MRPL48: variants seen among roughly 807,000 people sequenced by gnomAD.
MRPL48 encodes the protein large ribosomal subunit protein mL48.
Under a neutral mutation model 32.9 loss-of-function variants are expected in MRPL48, and 16 were observed. The ratio of observed to expected loss-of-function variants is 0.49; its 90% CI spans 0.33 to 0.74. The LOEUF (loss-of-function observed/expected upper bound fraction) is 0.74. MRPL48 is among the 30% of genes least tolerant of loss of function. The probability of loss-of-function intolerance (pLI) is 0.02; values close to 1 mark genes in which losing one functional copy is unlikely to be tolerated. For missense variants in MRPL48, 206 were observed against 245.3 expected (o/e 0.84, Z 1.07); for synonymous variants, 94 against 89.2 (o/e 1.05, Z -0.31).
chr11:73,839,456 CAAAT>C (rs1948154341), intron 4 of MRPL48, among the ~76,000 whole-genome samples: 1 of 151,940 alleles, frequency 6.6e-6, no homozygotes, highest in Non-Finnish European at 1.5e-5. Flanking sequence ...CATGGATAGA[CAAAT>C]AGCCCAATGG....
chr11:73,804,586 TAGC>T (rs1484045631), intron 1 of MRPL48, among the ~76,000 whole-genome samples: 2 of 152,222 alleles, frequency 1.3e-5, no homozygotes, highest in Non-Finnish European at 2.9e-5. Flanking sequence ...TCAGTCCTCT[TAGC>T]AGCTTATTAG....
At position 73,791,337 on chromosome 11, in the gene MRPL48, A is replaced by C. The variant is rs1455857882; in HGVS notation, c.21+3345A>C. ...GTAACCCATACAGCCCATTATACTG[A>C]TCTAACATAGGATAATAAATAATTT... On this transcript the variant is annotated intron_variant, in intron 1 of 7. Coordinates refer to ENST00000310614, the MANE Select transcript of MRPL48 (RefSeq NM_016055.6). Among the ~76,000 whole-genome samples, 3 of 152,086 alleles carry C rather than the reference A, an allele frequency of 2.0e-5. 1 individual carries two copies. The highest frequency in any genetic ancestry group is 7.2e-5 in the African/African-American group (3 of 41,398).
At chr11:73,826,171 C>T (rs1025549106) in intron 4 of MRPL48, among the ~76,000 whole-genome samples, 1 of 151,836 alleles carries the variant, frequency 6.6e-6, no homozygotes, top group Non-Finnish European at 1.5e-5. Context: ...TTCTTGCCAC[C>T]ATGCCCATCT....
In MRPL48 at chr11:73,844,989, C is replaced by A. The variant is rs776345363; in HGVS notation, c.371+13C>A. The A allele has an allele frequency of 1.9e-6, 3 of 1,595,742 alleles. No individual in the cohort carries two copies. Among genetic ancestry groups the A allele is most frequent in the Non-Finnish European group, 1.7e-6 (2 of 1,168,218 alleles). ...AAGTCGAGGAAAGGTATGAAGGATGCTTTTGTATGGGATGTTCTTGGTGTG... is the reference window on the plus strand; with the variant it reads ...AAGTCGAGGAAAGGTATGAAGGATGATTTTGTATGGGATGTTCTTGGTGTG... On this transcript the variant is annotated intron_variant, in intron 5 of 7. Coordinates refer to ENST00000310614, the MANE Select transcript of MRPL48 (RefSeq NM_016055.6).
At chr11:73,857,719 T>C (rs1486405501) in intron 5 of MRPL48, among the ~76,000 whole-genome samples, 1 of 149,628 alleles carries the variant, frequency 6.7e-6, no homozygotes, top group East Asian at 2.0e-4. Flanking sequence ...CTCAGCCTCC[T>C]GCGTAGCTGG....
intron 5 of MRPL48, among the ~76,000 whole-genome samples, chr11:73,847,730 C>T (rs914291380): frequency 2.6e-5 from 4 of 152,114 alleles, no homozygotes; most frequent in Non-Finnish European, 5.9e-5. Context: ...AGGTGTGAGC[C>T]ACCGGGCCTG....
At chr11:73,809,266 G>C (rs1411210235) in intron 3 of MRPL48, among the ~76,000 whole-genome samples, 2 of 152,024 alleles carry the variant, frequency 1.3e-5, no homozygotes, top group Admixed American at 1.3e-4. Flanking sequence ...CCAGCACTTT[G>C]GGAGGCCGAG....
chr11:73,814,386 T>C (rs11235916), intron 3 of MRPL48, among the ~76,000 whole-genome samples: 61,651 of 150,884 alleles, frequency 0.41, 14,073 homozygotes, highest in African/African-American at 0.63. Context: ...CACGAGATCA[T>C]GTCTCAAAAA....
chr11:73,840,808 C>A (rs554209109), intron 4 of MRPL48, among the ~76,000 whole-genome samples: 75 of 151,670 alleles, frequency 4.9e-4, no homozygotes, highest in African/African-American at 1.6e-3. Context: ...CCAACCCTGT[C>A]TCACAAAAAA....
intron 3 of MRPL48, among the ~76,000 whole-genome samples, chr11:73,812,139 G>C (rs775383958): frequency 3.3e-5 from 5 of 152,072 alleles, no homozygotes; most frequent in Non-Finnish European, 7.4e-5. Context: ...AACCGCCTCG[G>C]CCTCCCAAAG....
At chr11:73,835,141 T>G in intron 4 of MRPL48, among the ~76,000 whole-genome samples, 1 of 42,238 alleles carries the variant, frequency 2.4e-5, no homozygotes, top group Non-Finnish European at 4.3e-5. Flanking sequence ...CCATGTTGTC[T>G]TTTTTTTTTT....
rs567885491 is a variant in MRPL48 at position 73,812,598 on chromosome 11, A to G, written c.112+4248A>G. ...AACTTGTAGTCCCAGCTACATGGAAAGCTGAAGTCCCAGAATGGTCCTTTG... is the reference window on the plus strand; with the variant it reads ...AACTTGTAGTCCCAGCTACATGGAAGGCTGAAGTCCCAGAATGGTCCTTTG... On this transcript the variant is annotated intron_variant, in intron 3 of 7. Coordinates refer to ENST00000310614, the MANE Select transcript of MRPL48 (RefSeq NM_016055.6). Among the ~76,000 whole-genome samples, 29 of 151,952 alleles carry G rather than the reference A, an allele frequency of 1.9e-4. No individual in the cohort carries two copies. The East Asian group carries it at 2.3e-3, about 12-fold the overall frequency.
At chr11:73,818,337 C>A (rs1389812699) in intron 3 of MRPL48, among the ~76,000 whole-genome samples, 1 of 151,980 alleles carries the variant, frequency 6.6e-6, no homozygotes, top group Non-Finnish European at 1.5e-5. Flanking sequence ...AAAACTAGAT[C>A]TAAAGAGACA....
intron 3 of MRPL48, among the ~76,000 whole-genome samples, chr11:73,812,686 G>C (rs1947587001): frequency 6.7e-6 from 1 of 149,724 alleles, no homozygotes; most frequent in African/African-American, 2.5e-5. Flanking sequence ...CCATACTCTA[G>C]CCTGGGCGAC....
chr11:73,851,976 A>G (rs1378931542), intron 5 of MRPL48, among the ~76,000 whole-genome samples: 1 of 152,066 alleles, frequency 6.6e-6, no homozygotes, highest in Non-Finnish European at 1.5e-5. Flanking sequence ...GTACATACAT[A>G]CCGAGAGACA....
chr11:73,826,831 C>T (rs1233550526), intron 4 of MRPL48, among the ~76,000 whole-genome samples: 2 of 142,622 alleles, frequency 1.4e-5, no homozygotes, highest in Non-Finnish European at 3.0e-5. Flanking sequence ...GGCTGGAGGG[C>T]AATGGTGCGA....
intron 5 of MRPL48, among the ~76,000 whole-genome samples, chr11:73,857,931 T>C (rs772016466): frequency 6.6e-6 from 1 of 152,158 alleles, no homozygotes; most frequent in East Asian, 1.9e-4. Flanking sequence ...CAGAGCAGGC[T>C]GTTAGTAAAT....
chr11:73,864,457 C>A lies in MRPL48; in HGVS notation c.*87C>A. 1 of 1,337,316 alleles carries A rather than the reference C, an allele frequency of 7.5e-7. No individual in the cohort carries two copies. Among genetic ancestry groups the A allele is most frequent in the Non-Finnish European group, 1.1e-6 (1 of 947,248 alleles). 82.8% of individuals were successfully genotyped at this position (1,337,316 alleles called of 1,614,324 possible). A position where few individuals can be genotyped will look rare whatever the true frequency, so the allele number is the denominator to read the frequency against. On this transcript the variant is annotated 3_prime_UTR_variant, in exon 8 of 8. Transcript: ENST00000310614. ...GGGTAGTTAGAGTTCATCAGGAGAC[C>A]CAACCCTTAGATTTCATAAGTACCC...
At chr11:73,822,984 G>T (rs1185556899) in intron 3 of MRPL48, 2 of 453,244 alleles carry the variant, frequency 4.4e-6, no homozygotes, top group East Asian at 7.0e-5. Flanking sequence ...AATGCCTGAT[G>T]ATCTGTCACT....
Sources: gnomAD v4.1 joint callset for allele counts (sites outside exome capture counted in the v4.1 genomes callset) on GRCh38, gnomAD v4.1.1 for gene constraint, MANE v1.5 for transcripts, NCBI Gene and HGNC (gene_info 2026-07-23, HGNC 2026-07-21) for gene names.